FOCAD: variants seen among roughly 807,000 people sequenced by gnomAD.
The protein encoded by FOCAD is focadhesin, also known as KIAA1797.
In FOCAD, 198 loss-of-function variants were observed where a neutral mutation model predicts 225.6. That is an observed-to-expected ratio of 0.88 (90% CI 0.78 to 0.99). The LOEUF is 0.99. Ranked by LOEUF, FOCAD falls within the 50% of genes least tolerant of loss-of-function variation. The pLI, the probability that FOCAD is intolerant of heterozygous loss-of-function variation, is 0.00. For synonymous variants in FOCAD, 897 were observed against 755.0 expected (o/e 1.19, Z -3.08); for missense variants, 2,713 against 2,123.6 (o/e 1.28, Z -5.46).
chr9:20,771,809 G>A (rs1818263298), intron 8 of FOCAD, among the ~76,000 whole-genome samples: 2 of 152,328 alleles, frequency 1.3e-5, no homozygotes, highest in South Asian at 2.1e-4. Flanking sequence ...AGGCTGGAGA[G>A]TCCAAGCACA....
At chr9:20,859,691 G>T (rs1284913668) in intron 15 of FOCAD, among the ~76,000 whole-genome samples, 1 of 146,070 alleles carries the variant, frequency 6.8e-6, no homozygotes, top group East Asian at 2.0e-4. Flanking sequence ...ATAGAATGGA[G>T]TATTATATAT....
At chr9:20,742,800 A>G (rs567468968) in intron 5 of FOCAD, among the ~76,000 whole-genome samples, 12 of 152,214 alleles carry the variant, frequency 7.9e-5, no homozygotes, top group Admixed American at 2.0e-4. Flanking sequence ...TCAAAAGGCA[A>G]TTGCTGCAAG....
chr9:20,934,736 G>A (rs1349036710), intron 28 of FOCAD, among the ~76,000 whole-genome samples: 1 of 151,770 alleles, frequency 6.6e-6, no homozygotes, highest in Non-Finnish European at 1.5e-5. Flanking sequence ...TCTTCAGAAA[G>A]CTCCCAGAAT....
intron 28 of FOCAD, among the ~76,000 whole-genome samples, chr9:20,942,680 G>A (rs1419718064): frequency 6.6e-6 from 1 of 152,082 alleles, no homozygotes; most frequent in East Asian, 1.9e-4. Context: ...AATACTGGTT[G>A]AGTGCCTGTA....
chr9:20,689,257 G>A (rs375191385), intron 1 of FOCAD, among the ~76,000 whole-genome samples: 15 of 152,276 alleles, frequency 9.9e-5, no homozygotes, highest in Admixed American at 5.9e-4. Context: ...TGGTAGAAAC[G>A]GAGGTGTTCA....
At chr9:20,698,533 T>G (rs1447434032) in intron 1 of FOCAD, among the ~76,000 whole-genome samples, 1 of 152,136 alleles carries the variant, frequency 6.6e-6, no homozygotes. Flanking sequence ...CCTGAGTAAC[T>G]GAGACCACAG....
chr9:20,854,649 T>G (rs1050540521), intron 15 of FOCAD, among the ~76,000 whole-genome samples: 2 of 151,736 alleles, frequency 1.3e-5, no homozygotes, highest in African/African-American at 4.8e-5. Flanking sequence ...AAGAATGACA[T>G]GGGAAAAGTA....
At position 20,995,821 on chromosome 9, in the gene FOCAD, G is replaced by T; in HGVS notation, c.*192G>T. ...GAGGAGTGCATTGCTTTAGTACCCG[G>T]GCCAGTTGAGACTGAAACAGGAACT... On this transcript the variant is annotated 3_prime_UTR_variant, in exon 44 of 44. Transcript: ENST00000338382. 2.6e-6 allele frequency: 1 copy of T among 380,788 alleles called. No individual in the cohort carries two copies. Among genetic ancestry groups the T allele is most frequent in the South Asian group, 6.4e-5 (1 of 15,620 alleles). The allele number at this position is 380,788 out of a possible 1,614,324, so 23.6% of individuals were successfully genotyped here. A position where few individuals can be genotyped will look rare whatever the true frequency, so the allele number is the denominator to read the frequency against.
chr9:20,904,484 G>A (rs1211753588), intron 21 of FOCAD, among the ~76,000 whole-genome samples: 1 of 151,656 alleles, frequency 6.6e-6, no homozygotes, highest in African/African-American at 2.4e-5. Context: ...TAACCTTCTC[G>A]CATCCCTGCC....
At chr9:20,900,126 G>A (rs1473658090) in intron 21 of FOCAD, among the ~76,000 whole-genome samples, 1 of 151,906 alleles carries the variant, frequency 6.6e-6, no homozygotes, top group Admixed American at 6.6e-5. Flanking sequence ...GAAATTTGCT[G>A]CCAGTCTTGT....
At chr9:20,784,819 CT>C (rs1254576076) in intron 10 of FOCAD, among the ~76,000 whole-genome samples, 1 of 152,138 alleles carries the variant, frequency 6.6e-6, no homozygotes, top group East Asian at 1.9e-4. Flanking sequence ...CATTGTCCTA[CT>C]TATGGCTAAA....
intron 30 of FOCAD, among the ~76,000 whole-genome samples, chr9:20,947,889 A>G (rs1052126541): frequency 6.6e-6 from 1 of 152,152 alleles, no homozygotes; most frequent in Non-Finnish European, 1.5e-5. Flanking sequence ...AGAATTTTTC[A>G]TATACTTTGC....
chr9:20,664,526 G>T (rs567127796), intron 2 of FOCAD, among the ~76,000 whole-genome samples: 23 of 151,768 alleles, frequency 1.5e-4, no homozygotes, highest in African/African-American at 5.3e-4. Flanking sequence ...TATTCAAGAG[G>T]AATAAGGCAA....
Position 20,789,438 on chromosome 9 carries a change from T to TC in FOCAD, c.1286dup (p.Ala430CysfsTer4), listed in dbSNP as rs1385729193. The TC allele has an allele frequency of 6.2e-7, 1 of 1,613,960 alleles. No individual in the cohort carries two copies. The highest frequency in any genetic ancestry group is 8.5e-7 in the Non-Finnish European group (1 of 1,179,986). Reference sequence around the variant, plus strand: ...GATTCTTGAAGTAATGACAGACTCGTCTGCTGCAAGTGACTGGTTGGCTTC... The same window carrying TC: ...GATTCTTGAAGTAATGACAGACTCGTCCTGCTGCAAGTGACTGGTTGGCTTC... On this transcript the variant is annotated frameshift_variant, in exon 11 of 44. Transcript: ENST00000338382. LOFTEE classifies it high-confidence loss of function.
chr9:20,738,360 A>T (rs1827319439), intron 4 of FOCAD, among the ~76,000 whole-genome samples: 1 of 152,218 alleles, frequency 6.6e-6, no homozygotes, highest in African/African-American at 2.4e-5. Flanking sequence ...TTACAGTGAG[A>T]TTCACTGGCC....
intron 8 of FOCAD, among the ~76,000 whole-genome samples, chr9:20,777,877 C>T (rs892156082): frequency 7.3e-5 from 11 of 151,626 alleles, no homozygotes; most frequent in South Asian, 2.1e-4. Flanking sequence ...CCGAGGCGGG[C>T]GGATCACGAG....
intron 1 of FOCAD, among the ~76,000 whole-genome samples, chr9:20,692,714 G>A (rs1337634296): frequency 6.6e-6 from 1 of 152,176 alleles, no homozygotes; most frequent in Non-Finnish European, 1.5e-5. Context: ...ACGTAGTGGT[G>A]TAATGGAAGC....
At chr9:20,934,290 T>A (rs1228337174) in intron 28 of FOCAD, among the ~76,000 whole-genome samples, 2 of 152,200 alleles carry the variant, frequency 1.3e-5, no homozygotes, top group Non-Finnish European at 2.9e-5. Flanking sequence ...TCTAAGCCAA[T>A]GTCTAGAAGG....
At chr9:20,673,396 T>C (rs1051652064) in intron 2 of FOCAD, among the ~76,000 whole-genome samples, 2 of 152,158 alleles carry the variant, frequency 1.3e-5, no homozygotes, top group African/African-American at 2.4e-5. Context: ...CGACAATGTG[T>C]AAGGGTTCTA....
Sources: allele counts gnomAD v4.1 joint callset (sites outside exome capture counted in the v4.1 genomes callset), GRCh38; gene constraint gnomAD v4.1.1; transcripts MANE v1.5; gene names NCBI Gene and HGNC (gene_info 2026-07-23, HGNC 2026-07-21).